The following CNTNAP2 variants were observed in gnomAD, a reference collection of about 807,000 sequenced individuals.
The protein encoded by CNTNAP2 is contactin-associated protein-like 2.
A neutral mutation model predicts 155.2 loss-of-function variants in CNTNAP2; 98 were observed. That is an observed-to-expected ratio of 0.63 (90% CI 0.54 to 0.75). The LOEUF (loss-of-function observed/expected upper bound fraction) is 0.75, where lower values mean the gene tolerates loss of function less well. Among genes scored for constraint, CNTNAP2 ranks in the 30% least tolerant of loss-of-function variants. The pLI is 0.00. For synonymous variants in CNTNAP2, 651 were observed against 631.2 expected, an observed-to-expected ratio of 1.03 and a Z score of -0.47; for missense variants, 1,727 against 1,688.1, an observed-to-expected ratio of 1.02 and a Z score of -0.40.
chr7:146,263,635 G>A (rs1799953466), intron 1 of CNTNAP2, among the ~76,000 whole-genome samples: 1 of 152,166 alleles, frequency 6.6e-6, no homozygotes, highest in African/African-American at 2.4e-5. Context: ...TGTAGACAGA[G>A]CAGGGTATGG....
intron 12 of CNTNAP2, among the ~76,000 whole-genome samples, chr7:147,622,295 A>G (rs1282266154): frequency 6.6e-6 from 1 of 152,038 alleles, no homozygotes; most frequent in Non-Finnish European, 1.5e-5. Flanking sequence ...AATTTAACGC[A>G]TATTTATAGA....
chr7:147,665,374 G>A (rs542413954), intron 13 of CNTNAP2, among the ~76,000 whole-genome samples: 2 of 152,212 alleles, frequency 1.3e-5, no homozygotes, highest in South Asian at 4.1e-4. Context: ...TGGATATTTG[G>A]GTTGCTTCTA....
chr7:146,269,030 A>G (rs1800038265), intron 1 of CNTNAP2, among the ~76,000 whole-genome samples: 1 of 152,200 alleles, frequency 6.6e-6, no homozygotes, highest in African/African-American at 2.4e-5. Context: ...AGTTCACAAA[A>G]GAGTGCCATA....
At chr7:147,661,698 GT>G (rs1795612767) in intron 13 of CNTNAP2, among the ~76,000 whole-genome samples, 1 of 151,966 alleles carries the variant, frequency 6.6e-6, no homozygotes, top group African/African-American at 2.4e-5. Context: ...GATTACAGGT[GT>G]GTGCCACTAC....
chr7:148,363,127 A>C (rs1798657515), intron 21 of CNTNAP2, among the ~76,000 whole-genome samples: 1 of 152,144 alleles, frequency 6.6e-6, no homozygotes, highest in Non-Finnish European at 1.5e-5. Context: ...GATCACAGGC[A>C]TGTGCCACCA....
intron 1 of CNTNAP2, among the ~76,000 whole-genome samples, chr7:146,708,915 G>A (rs1801014494): frequency 6.6e-6 from 1 of 152,032 alleles, no homozygotes; most frequent in South Asian, 2.1e-4. Flanking sequence ...AAATGCAGAT[G>A]CCTTGGTCAA....
intron 15 of CNTNAP2, among the ~76,000 whole-genome samples, chr7:148,028,779 A>G (rs1802416970): frequency 6.6e-6 from 1 of 152,072 alleles, no homozygotes; most frequent in Non-Finnish European, 1.5e-5. Flanking sequence ...TAACCACATC[A>G]ACCTCAAAGC....
At chr7:147,386,285 C>A (rs767726650) in intron 9 of CNTNAP2, among the ~76,000 whole-genome samples, 6 of 152,128 alleles carry the variant, frequency 3.9e-5, no homozygotes, top group Admixed American at 2.0e-4. Flanking sequence ...CATTTGGATC[C>A]TTGTTACTTA....
intron 1 of CNTNAP2, among the ~76,000 whole-genome samples, chr7:146,548,151 T>C (rs906445185): frequency 2.6e-5 from 4 of 151,964 alleles, no homozygotes; most frequent in Admixed American, 1.3e-4. Flanking sequence ...CAGTGTGTGT[T>C]ATTTCCCTCT....
intron 1 of CNTNAP2, among the ~76,000 whole-genome samples, chr7:146,565,876 G>T (rs995083737): frequency 7.9e-5 from 12 of 152,234 alleles, no homozygotes; most frequent in African/African-American, 2.9e-4. Flanking sequence ...TGCTATATTT[G>T]CAGAGTAATC....
intron 1 of CNTNAP2, among the ~76,000 whole-genome samples, chr7:146,161,868 A>T (rs1267003118): frequency 6.6e-6 from 1 of 152,092 alleles, no homozygotes; most frequent in Non-Finnish European, 1.5e-5. Context: ...CACATCTACA[A>T]CCATCTGATC....
intron 15 of CNTNAP2, among the ~76,000 whole-genome samples, chr7:148,081,846 G>A (rs1803611644): frequency 6.6e-6 from 1 of 152,130 alleles, no homozygotes; most frequent in Non-Finnish European, 1.5e-5. Flanking sequence ...TGGCATGAAT[G>A]TATGTGAGAA....
intron 11 of CNTNAP2, among the ~76,000 whole-genome samples, chr7:147,512,865 G>T (rs1322984862): frequency 1.3e-5 from 2 of 152,078 alleles, no homozygotes; most frequent in Non-Finnish European, 2.9e-5. Context: ...AACATCAATA[G>T]TTGTATGGTA....
intron 9 of CNTNAP2, among the ~76,000 whole-genome samples, chr7:147,343,921 GATGAA>G (rs1278867268): frequency 4.6e-5 from 7 of 152,176 alleles, no homozygotes; most frequent in Admixed American, 1.3e-4. Context: ...GTCATTTGGA[GATGAA>G]ATGAAGAATG....
At chr7:148,069,130 C>T (rs1202824399) in intron 15 of CNTNAP2, among the ~76,000 whole-genome samples, 1 of 152,136 alleles carries the variant, frequency 6.6e-6, no homozygotes, top group Admixed American at 6.5e-5. Flanking sequence ...ATCTCTATGA[C>T]TGTTTTATAT....
At chr7:147,787,342 G>A (rs1797756383) in intron 13 of CNTNAP2, among the ~76,000 whole-genome samples, 1 of 152,114 alleles carries the variant, frequency 6.6e-6, no homozygotes, top group Admixed American at 6.5e-5. Context: ...TATGTCTAAA[G>A]GAGCAACTGA....
At chr7:147,526,018 C>A (rs921655146) in intron 11 of CNTNAP2, among the ~76,000 whole-genome samples, 60 of 151,680 alleles carry the variant, frequency 4.0e-4, no homozygotes, top group Admixed American at 9.2e-4. Flanking sequence ...CATGGTGAAA[C>A]CCCATCTGTA....
At chr7:146,574,322 ATTATC>A (rs1190448799) in intron 1 of CNTNAP2, among the ~76,000 whole-genome samples, 1 of 152,198 alleles carries the variant, frequency 6.6e-6, no homozygotes, top group Non-Finnish European at 1.5e-5. Context: ...ATAGAGCAAA[ATTATC>A]TAACAATTCC....
At chr7:148,132,899 T>C (rs1416263156) in intron 16 of CNTNAP2, among the ~76,000 whole-genome samples, 2 of 152,218 alleles carry the variant, frequency 1.3e-5, no homozygotes, top group East Asian at 1.9e-4. Flanking sequence ...TCCCCCTAAT[T>C]CATTCAAATA....
Sources: allele counts gnomAD v4.1 joint callset (sites outside exome capture counted in the v4.1 genomes callset), GRCh38; gene constraint gnomAD v4.1.1; transcripts MANE v1.5; gene names NCBI Gene and HGNC (gene_info 2026-07-23, HGNC 2026-07-21).